The following UBE3D variants were observed in gnomAD, a reference collection of about 807,000 sequenced individuals.
UBE3D encodes the protein ubiquitin protein ligase E3D, also known as E3 ubiquitin-protein ligase E3D.
A neutral mutation model predicts 49.6 loss-of-function variants in UBE3D; 48 were observed. That is an observed-to-expected ratio of 0.97 (90% CI 0.77 to 1.23). The LOEUF (loss-of-function observed/expected upper bound fraction) is 1.23, where lower values mean the gene tolerates loss of function less well. Ranked by LOEUF, UBE3D falls within the 50% of genes most tolerant of loss-of-function variation. The probability of loss-of-function intolerance (pLI) is 0.00; values close to 1 mark genes in which losing one functional copy is unlikely to be tolerated. For synonymous variants in UBE3D, 189 were observed against 174.2 expected (o/e 1.08, Z -0.67); for missense variants, 452 against 468.4 (o/e 0.96, Z 0.32).
At chr6:82,992,647 C>T (rs2127734121) in intron 8 of UBE3D, among the ~76,000 whole-genome samples, 1 of 152,164 alleles carries the variant, frequency 6.6e-6, no homozygotes, top group East Asian at 1.9e-4. Flanking sequence ...TTTTCTTCTT[C>T]TGTGGGAAAT....
At chr6:82,979,076 G>A (rs1777930073) in intron 8 of UBE3D, among the ~76,000 whole-genome samples, 1 of 152,098 alleles carries the variant, frequency 6.6e-6, no homozygotes, top group African/African-American at 2.4e-5. Context: ...TATTCAAAAC[G>A]TTAGGCAATG....
chr6:82,991,409 T>C (rs190651406), intron 8 of UBE3D, among the ~76,000 whole-genome samples: 12 of 152,274 alleles, frequency 7.9e-5, no homozygotes, highest in Non-Finnish European at 7.3e-5. Context: ...CCTAGCACCA[T>C]AATTATTACA....
At chr6:82,946,109 A>C (rs1464658326) in intron 9 of UBE3D, among the ~76,000 whole-genome samples, 1 of 152,184 alleles carries the variant, frequency 6.6e-6, no homozygotes, top group African/African-American at 2.4e-5. Flanking sequence ...GGATAATAAC[A>C]GAGAACTTCC....
At chr6:82,919,494 C>T (rs897520322) in intron 9 of UBE3D, among the ~76,000 whole-genome samples, 5 of 151,834 alleles carry the variant, frequency 3.3e-5, no homozygotes, top group African/African-American at 1.2e-4. Context: ...GTCCCAGGTA[C>T]TTGGGAGGCT....
chr6:82,977,099 G>A (rs914903056), intron 8 of UBE3D, among the ~76,000 whole-genome samples: 1 of 93,914 alleles, frequency 1.1e-5, no homozygotes, highest in Non-Finnish European at 1.9e-5. Flanking sequence ...GGGTGATAGA[G>A]CAAGACTCCA....
intron 5 of UBE3D, chr6:83,032,454 G>A (rs776000215): frequency 5.4e-5 from 19 of 351,236 alleles, no homozygotes; most frequent in Admixed American, 1.5e-4. Context: ...CCCAATGCCT[G>A]TACCCCCATT....
chr6:83,063,063 A>G (rs1412943333), intron 1 of UBE3D: 3 of 181,466 alleles, frequency 1.7e-5, no homozygotes, highest in African/African-American at 7.2e-5. Flanking sequence ...AAGGAATAAA[A>G]AAACGATAGA....
At chr6:82,981,858 T>C (rs1357632436) in intron 8 of UBE3D, among the ~76,000 whole-genome samples, 2 of 152,130 alleles carry the variant, frequency 1.3e-5, no homozygotes, top group Non-Finnish European at 2.9e-5. Flanking sequence ...TAGTAATGTA[T>C]ATACATCTAG....
At chr6:82,882,490 G>A in the UBE3D span, among the ~76,000 whole-genome samples, 5 of 152,148 alleles carry the variant, frequency 3.3e-5, no homozygotes, top group Admixed American at 1.3e-4. Flanking sequence ...CTACCAGCCA[G>A]TTCTTCCCGG....
chr6:82,992,122 T>A (rs960516307), intron 8 of UBE3D, among the ~76,000 whole-genome samples: 1 of 151,502 alleles, frequency 6.6e-6, no homozygotes, highest in African/African-American at 2.4e-5. Context: ...CTTGGAATAA[T>A]AAGCACTCCA....
chr6:82,922,057 A>G (rs2127736232), intron 9 of UBE3D, among the ~76,000 whole-genome samples: 1 of 152,320 alleles, frequency 6.6e-6, no homozygotes, highest in South Asian at 2.1e-4. Context: ...CAAATAAGAG[A>G]TTGGACATAG....
At chr6:82,893,973 G>A (rs890807247) in intron 9 of UBE3D, 8 of 152,158 alleles carry the variant, frequency 5.3e-5, no homozygotes, top group Admixed American at 3.9e-4. Context: ...CCCTTCATAC[G>A]GTGCTGGTGA....
intron 8 of UBE3D, among the ~76,000 whole-genome samples, chr6:82,966,667 A>C (rs1404662733): frequency 1.4e-5 from 1 of 71,452 alleles, no homozygotes; most frequent in South Asian, 3.7e-4. Context: ...AAAAAAAAAA[A>C]AAAAAACCAC....
intron 9 of UBE3D, among the ~76,000 whole-genome samples, chr6:82,917,342 C>T (rs1438547150): frequency 6.6e-6 from 1 of 151,928 alleles, no homozygotes; most frequent in Non-Finnish European, 1.5e-5. Flanking sequence ...AATCTCACAC[C>T]CCAGAGACCA....
intron 6 of UBE3D, among the ~76,000 whole-genome samples, chr6:83,023,413 T>C (rs771975875): frequency 6.6e-6 from 1 of 152,202 alleles, no homozygotes; most frequent in Non-Finnish European, 1.5e-5. Flanking sequence ...TGTGGTTTGG[T>C]TCAACTATCA....
At chr6:82,898,316 T>TA (rs780413239) in intron 9 of UBE3D, among the ~76,000 whole-genome samples, 2 of 152,150 alleles carry the variant, frequency 1.3e-5, no homozygotes, top group Non-Finnish European at 2.9e-5. Context: ...GACCCAGCAA[T>TA]CCCATTACTG....
the UBE3D span, among the ~76,000 whole-genome samples, chr6:82,886,492 C>G: frequency 2.0e-5 from 3 of 152,162 alleles, no homozygotes; most frequent in Non-Finnish European, 4.4e-5. Flanking sequence ...CAGGCTGGTA[C>G]TGGTCCATAG....
At position 82,969,441 on chromosome 6, in the gene UBE3D, T is replaced by C. The variant is rs1777187243; in HGVS notation, c.1011-11991A>G. The stretch of plus-strand genomic sequence containing the variant: ...GGGCAACATAGTGAAATCCCGTCTT[T>C]ACTAAAAATACAAAAAAGTAGCCTG... On this transcript the variant is annotated intron_variant, in intron 8 of 9. Coordinates refer to ENST00000369747, the MANE Select transcript of UBE3D (RefSeq NM_198920.3). Among the ~76,000 whole-genome samples the C allele has an allele frequency of 5.3e-5, 8 of 152,058 alleles. No homozygotes were observed. In the South Asian group the frequency reaches 1.5e-3, roughly 28 times the overall value.
chr6:82,952,162 ATTT>A (rs1775848090), intron 9 of UBE3D, among the ~76,000 whole-genome samples: 2 of 152,102 alleles, frequency 1.3e-5, no homozygotes, highest in African/African-American at 4.8e-5. Context: ...GGTTAACATT[ATTT>A]AGTGGTTAAG....
Sources: gnomAD v4.1 joint callset for allele counts (sites outside exome capture counted in the v4.1 genomes callset) on GRCh38, gnomAD v4.1.1 for gene constraint, MANE v1.5 for transcripts, NCBI Gene and HGNC (gene_info 2026-07-23, HGNC 2026-07-21) for gene names.